FANCL: variants seen among roughly 807,000 people sequenced by gnomAD.
FANCL encodes the protein FA complementation group L, also known as E3 ubiquitin-protein ligase FANCL.
FANCL carries 69 observed loss-of-function variants against 59.4 expected under a neutral mutation model. The ratio of observed to expected loss-of-function variants is 1.16; its 90% CI spans 0.96 to 1.42. The LOEUF is 1.42. FANCL is among the 40% of genes most tolerant of loss of function. The pLI is 0.00. For synonymous variants in FANCL, 180 were observed against 147.1 expected, an observed-to-expected ratio of 1.22 and a Z score of -1.62; for missense variants, 519 against 447.2, an observed-to-expected ratio of 1.16 and a Z score of -1.45.
chr2:58,164,165 C>T (rs1204257412), intron 8 of FANCL, among the ~76,000 whole-genome samples: 4 of 151,968 alleles, frequency 2.6e-5, no homozygotes, highest in African/African-American at 7.2e-5. Flanking sequence ...TTTAACTGTA[C>T]TGGACTACAG....
chr2:58,214,570 G>T (rs1188692846), intron 5 of FANCL, among the ~76,000 whole-genome samples: 1 of 152,102 alleles, frequency 6.6e-6, no homozygotes, highest in Non-Finnish European at 1.5e-5. Context: ...GTGCAGTGGT[G>T]TGATCTCAGC....
At chr2:58,218,618 CAAAA>C (rs112229739) in intron 5 of FANCL, among the ~76,000 whole-genome samples, 1 of 114,932 alleles carries the variant, frequency 8.7e-6, no homozygotes. Context: ...CCTATAAAGG[CAAAA>C]AAAAAAAAAC....
chr2:58,164,255 A>C (rs1039110055), intron 8 of FANCL, among the ~76,000 whole-genome samples: 1 of 152,060 alleles, frequency 6.6e-6, no homozygotes, highest in Non-Finnish European at 1.5e-5. Flanking sequence ...TTTCATTTTC[A>C]TCGTAAAAAT....
At chr2:58,200,207 A>T (rs1248719677) in intron 6 of FANCL, among the ~76,000 whole-genome samples, 1 of 152,068 alleles carries the variant, frequency 6.6e-6, no homozygotes, top group Admixed American at 6.6e-5. Flanking sequence ...TCATTGCTGT[A>T]ATCACTGGAA....
chr2:58,176,284 A>C (rs1687293068), intron 7 of FANCL, among the ~76,000 whole-genome samples: 1 of 152,182 alleles, frequency 6.6e-6, no homozygotes, highest in African/African-American at 2.4e-5. Context: ...ATCTACTTTA[A>C]AGTTCATATG....
chr2:58,237,014 G>A (rs1694084153), intron 1 of FANCL, among the ~76,000 whole-genome samples: 1 of 152,058 alleles, frequency 6.6e-6, no homozygotes, highest in East Asian at 1.9e-4. Flanking sequence ...AAAGATCGTT[G>A]GAGATTTCAA....
chr2:58,204,339 TA>T (rs1318953817), intron 5 of FANCL, 113 bp from the exon 6 acceptor site: 1 of 858,744 alleles, frequency 1.2e-6, no homozygotes, highest in African/African-American at 1.7e-5. Context: ...TAATCCATTA[TA>T]AAAATCAGAG....
intron 5 of FANCL, among the ~76,000 whole-genome samples, chr2:58,219,160 AAAAAAAAAAAAATATATATAT>A (rs1377320453): frequency 3.1e-5 from 3 of 97,392 alleles, no homozygotes; most frequent in African/African-American, 1.9e-4. Flanking sequence ...AAAAAAAAAA[AAAAAAAAAAAAATATATATAT>A]ATATATATAT....
At chr2:58,241,370 C>G, upstream of FANCL, 1 of 1,552,738 alleles carries the variant, frequency 6.4e-7, no homozygotes, top group South Asian at 1.1e-5. Flanking sequence ...CCTGCACATG[C>G]GCAGTCCGCT....
At chr2:58,192,740 T>C (rs1440794823) in intron 7 of FANCL, among the ~76,000 whole-genome samples, 2 of 151,772 alleles carry the variant, frequency 1.3e-5, no homozygotes, top group African/African-American at 4.8e-5. Context: ...AAAAGTAGTA[T>C]AAATACAAAA....
chr2:58,238,109 G>C (rs796374656), intron 1 of FANCL, among the ~76,000 whole-genome samples: 1 of 152,190 alleles, frequency 6.6e-6, no homozygotes, highest in South Asian at 2.1e-4. Flanking sequence ...GGACAGCTCT[G>C]AATGCAGCCC....
intron 7 of FANCL, among the ~76,000 whole-genome samples, chr2:58,188,863 A>G (rs1205332960): frequency 6.6e-6 from 1 of 152,182 alleles, no homozygotes; most frequent in Non-Finnish European, 1.5e-5. Context: ...AATTCTGAAA[A>G]CAACCCATAT....
chr2:58,161,769 A>G, intron 11 of FANCL, 131 bp from the exon 12 acceptor site: 1 of 666,214 alleles, frequency 1.5e-6, no homozygotes, highest in Non-Finnish European at 2.7e-6. Flanking sequence ...GATAATTAAG[A>G]TATTCATCAC....
chr2:58,206,795 T>G (rs1313097786), intron 5 of FANCL, among the ~76,000 whole-genome samples: 1 of 152,194 alleles, frequency 6.6e-6, no homozygotes, highest in Admixed American at 6.5e-5. Context: ...GTAAAAAACA[T>G]TTATACTTTC....
At chr2:58,167,657 C>T (rs769427855) in intron 7 of FANCL, among the ~76,000 whole-genome samples, 2 of 152,132 alleles carry the variant, frequency 1.3e-5, no homozygotes, top group Non-Finnish European at 2.9e-5. Context: ...AAAAACAAAA[C>T]ATCCCTGGAA....
intron 8 of FANCL, among the ~76,000 whole-genome samples, chr2:58,164,980 T>A (rs1026544490): frequency 6.6e-6 from 1 of 152,086 alleles, no homozygotes; most frequent in African/African-American, 2.4e-5. Flanking sequence ...GTGATTCACA[T>A]CAGAATTTCA....
chr2:58,239,346 C>A (rs565827390), intron 1 of FANCL, among the ~76,000 whole-genome samples: 2 of 152,262 alleles, frequency 1.3e-5, no homozygotes, highest in East Asian at 1.9e-4. Context: ...TCTGTAGTAT[C>A]CCTGCCAAAA....
intron 3 of FANCL, 54 bp from the exon 4 acceptor site, chr2:58,226,838 C>T (rs1558819561): frequency 1.4e-6 from 2 of 1,472,614 alleles, no homozygotes; most frequent in Non-Finnish European, 1.9e-6. Context: ...ATTCTATCCA[C>T]TAAAACTGTA....
intron 12 of FANCL, 147 bp downstream of exon 12, chr2:58,161,375 A>G (rs767230450): frequency 5.9e-6 from 4 of 676,712 alleles, no homozygotes; most frequent in Non-Finnish European, 1.1e-5. Flanking sequence ...GCACATAAGC[A>G]TCTGGAATAA....
Sources: gnomAD v4.1 joint callset for allele counts (sites outside exome capture counted in the v4.1 genomes callset) on GRCh38, gnomAD v4.1.1 for gene constraint, MANE v1.5 for transcripts, NCBI Gene and HGNC (gene_info 2026-07-23, HGNC 2026-07-21) for gene names.